The following ANO10 variants were observed in gnomAD, a reference collection of about 807,000 sequenced individuals.
ANO10 encodes anoctamin 10.
Under a neutral mutation model 74.7 loss-of-function variants are expected in ANO10, and 77 were observed. The ratio of observed to expected loss-of-function variants is 1.03; its 90% CI spans 0.86 to 1.25. The LOEUF is 1.25. ANO10 is among the 50% of genes most tolerant of loss of function. ANO10 has a pLI of 0.00. For missense variants in ANO10, 721 were observed against 778.1 expected (o/e 0.93, Z 0.87); for synonymous variants, 279 against 284.9 (o/e 0.98, Z 0.21).
At chr3:43,376,544 C>T (rs2091812904) in intron 12 of ANO10, among the ~76,000 whole-genome samples, 1 of 152,144 alleles carries the variant, frequency 6.6e-6, no homozygotes, top group Non-Finnish European at 1.5e-5. Context: ...TCTGGAATGA[C>T]CATCAACTAT....
intron 11 of ANO10, among the ~76,000 whole-genome samples, chr3:43,537,230 T>C (rs549467204): frequency 1.6e-4 from 24 of 152,282 alleles, no homozygotes; most frequent in Admixed American, 4.6e-4. Context: ...AAGAATATCA[T>C]TGGTCTATCA....
At chr3:43,586,237 C>A (rs1405918654) in intron 4 of ANO10, among the ~76,000 whole-genome samples, 1 of 152,052 alleles carries the variant, frequency 6.6e-6, no homozygotes, top group Non-Finnish European at 1.5e-5. Context: ...AAGAGCAAGT[C>A]TGCCATGTTG....
chr3:43,499,969 C>T (rs2077042852), intron 11 of ANO10, among the ~76,000 whole-genome samples: 1 of 151,922 alleles, frequency 6.6e-6, no homozygotes, highest in Admixed American at 6.6e-5. Flanking sequence ...GTAGCTGGGA[C>T]TACAGGTGCA....
chr3:43,368,530 C>A (rs1430694402), intron 12 of ANO10, among the ~76,000 whole-genome samples: 1 of 152,196 alleles, frequency 6.6e-6, no homozygotes, highest in African/African-American at 2.4e-5. Context: ...TCTGCTACCT[C>A]TTCCATTACT....
intron 11 of ANO10, among the ~76,000 whole-genome samples, chr3:43,466,369 C>CAAAAAAA (rs36126977): frequency 4.4e-5 from 2 of 45,378 alleles, no homozygotes; most frequent in Non-Finnish European, 8.6e-5. Flanking sequence ...GACTCCATCT[C>CAAAAAAA]AAAAAAAAAA....
At chr3:43,584,889 T>C (rs1473447090) in intron 4 of ANO10, among the ~76,000 whole-genome samples, 1 of 152,134 alleles carries the variant, frequency 6.6e-6, no homozygotes, top group Non-Finnish European at 1.5e-5. Context: ...CCTGGCCACC[T>C]TTCAGTCTTG....
chr3:43,473,510 T>C (rs2075947967), intron 11 of ANO10, among the ~76,000 whole-genome samples: 1 of 152,200 alleles, frequency 6.6e-6, no homozygotes, highest in African/African-American at 2.4e-5. Flanking sequence ...CTCTCCCACA[T>C]GCCACTGTCA....
chr3:43,550,340 T>C (rs1177000869), intron 10 of ANO10, among the ~76,000 whole-genome samples: 3 of 152,322 alleles, frequency 2.0e-5, no homozygotes, highest in African/African-American at 7.2e-5. Flanking sequence ...TAGCATCATT[T>C]AGCAAATCAA....
chr3:43,628,722 G>T (rs1319847048), intron 1 of ANO10, among the ~76,000 whole-genome samples: 1 of 152,140 alleles, frequency 6.6e-6, no homozygotes, highest in African/African-American at 2.4e-5. Flanking sequence ...GCCCCCCCGG[G>T]TGTGGCCGTC....
intron 1 of ANO10, among the ~76,000 whole-genome samples, chr3:43,646,967 T>G (rs1024469959): frequency 6.6e-6 from 1 of 152,056 alleles, no homozygotes; most frequent in African/African-American, 2.4e-5. Flanking sequence ...TGGCTTGTTG[T>G]GAAAAGCGGG....
chr3:43,677,746 G>A (rs1480001623), intron 1 of ANO10, among the ~76,000 whole-genome samples: 1 of 152,314 alleles, frequency 6.6e-6, no homozygotes, highest in Middle Eastern at 3.4e-3. Flanking sequence ...CACATGGCTA[G>A]CAAGGCTTCC....
At chr3:43,392,268 T>C (rs80112809) in intron 12 of ANO10, among the ~76,000 whole-genome samples, 5 of 152,012 alleles carry the variant, frequency 3.3e-5, no homozygotes, top group African/African-American at 7.3e-5. Flanking sequence ...ACACTTTTAT[T>C]CCCCAGTTCC....
intron 10 of ANO10, among the ~76,000 whole-genome samples, chr3:43,550,487 T>C (rs2079408434): frequency 6.6e-6 from 1 of 152,234 alleles, no homozygotes; most frequent in African/African-American, 2.4e-5. Flanking sequence ...TTGCTCTTTT[T>C]TTCTTTAATA....
intron 1 of ANO10, among the ~76,000 whole-genome samples, chr3:43,620,764 C>CA (rs918211175): frequency 2.0e-4 from 30 of 151,584 alleles, no homozygotes; most frequent in Non-Finnish European, 2.9e-4. Flanking sequence ...GACTCCGTCT[C>CA]AAAAAAAACA....
chr3:43,654,733 C>T (rs1213233124), intron 1 of ANO10, among the ~76,000 whole-genome samples: 1 of 152,162 alleles, frequency 6.6e-6, no homozygotes, highest in African/African-American at 2.4e-5. Flanking sequence ...CACTGCATCC[C>T]CACTGCTAGG....
At chr3:43,423,155 A>T (rs2092845952) in intron 12 of ANO10, among the ~76,000 whole-genome samples, 1 of 151,914 alleles carries the variant, frequency 6.6e-6, no homozygotes, top group South Asian at 2.1e-4. Context: ...TATCAAGGCA[A>T]GGTATGTGGT....
intron 1 of ANO10, among the ~76,000 whole-genome samples, chr3:43,644,348 C>T (rs1379243200): frequency 6.6e-6 from 1 of 152,176 alleles, no homozygotes; most frequent in South Asian, 2.1e-4. Flanking sequence ...TAGACTTTAA[C>T]TTGCTGTAAT....
At chr3:43,561,653 A>T (rs925701549) in intron 8 of ANO10, among the ~76,000 whole-genome samples, 2 of 152,196 alleles carry the variant, frequency 1.3e-5, no homozygotes, top group African/African-American at 4.8e-5. Context: ...GATAAATAAG[A>T]TTATAATACA....
rs140580812 is a variant in ANO10, at chr3:43,472,918, T to C, written c.1798-40191A>G. Among the ~76,000 whole-genome samples, 1,374 of 152,312 alleles carry C rather than the reference T, an allele frequency of 9.0e-3. 20 individuals carry two copies. Among genetic ancestry groups the C allele is most frequent in the African/African-American group, 0.03 (1,251 of 41,560 alleles). On this transcript the variant is annotated intron_variant, in intron 11 of 12. Coordinates refer to ENST00000292246, the MANE Select transcript of ANO10 (RefSeq NM_018075.5). ...TTTTAAAAAGTTGTGTTTTTATCTG[T>C]ATGGTCTGTATGTGCATGTATATAC...
Sources: allele counts gnomAD v4.1 joint callset (sites outside exome capture counted in the v4.1 genomes callset), GRCh38; gene constraint gnomAD v4.1.1; transcripts MANE v1.5; gene names NCBI Gene and HGNC (gene_info 2026-07-23, HGNC 2026-07-21).